SLC35F1: variants seen among roughly 807,000 people sequenced by gnomAD.
The protein encoded by SLC35F1 is chromosome 6 open reading frame 169.
Under a neutral mutation model 48.7 loss-of-function variants are expected in SLC35F1, and 14 were observed. The ratio of observed to expected loss-of-function variants is 0.29; its 90% CI spans 0.19 to 0.45. SLC35F1 has a LOEUF of 0.45. Ranked by LOEUF, SLC35F1 falls within the 20% of genes least tolerant of loss-of-function variation. SLC35F1 has a pLI of 1.00. For synonymous variants in SLC35F1, 190 were observed against 202.2 expected, an observed-to-expected ratio of 0.94 and a Z score of 0.51; for missense variants, 404 against 500.0, an observed-to-expected ratio of 0.81 and a Z score of 1.83.
intron 7 of SLC35F1, among the ~76,000 whole-genome samples, chr6:118,307,711 G>A (rs1279534734): frequency 6.6e-6 from 1 of 152,196 alleles, no homozygotes; most frequent in African/African-American, 2.4e-5. Context: ...GTTTTTCCAT[G>A]GAGCCAGGTT....
At chr6:117,926,374 G>C (rs1776028025) in intron 1 of SLC35F1, among the ~76,000 whole-genome samples, 1 of 152,078 alleles carries the variant, frequency 6.6e-6, no homozygotes, top group Non-Finnish European at 1.5e-5. Context: ...TGTCAATTAA[G>C]CCTCTTTTCT....
At chr6:118,114,580 G>A (rs1305467278) in intron 1 of SLC35F1, among the ~76,000 whole-genome samples, 2 of 151,826 alleles carry the variant, frequency 1.3e-5, no homozygotes, top group Non-Finnish European at 2.9e-5. Flanking sequence ...CTTTCCTCGT[G>A]TTAGCCAGGA....
chr6:118,200,867 CT>C (rs931198309), intron 2 of SLC35F1, among the ~76,000 whole-genome samples: 1 of 151,904 alleles, frequency 6.6e-6, no homozygotes, highest in Non-Finnish European at 1.5e-5. Flanking sequence ...TACTCCTTTT[CT>C]TTTTTTTCTG....
At chr6:118,193,329 T>G (rs1774757144) in intron 2 of SLC35F1, among the ~76,000 whole-genome samples, 1 of 152,214 alleles carries the variant, frequency 6.6e-6, no homozygotes, top group African/African-American at 2.4e-5. Flanking sequence ...GATCAGTGCT[T>G]TAAGAAAACC....
chr6:118,254,758 T>C (rs2114607423), intron 3 of SLC35F1, among the ~76,000 whole-genome samples: 1 of 152,338 alleles, frequency 6.6e-6, no homozygotes, highest in African/African-American at 2.4e-5. Context: ...TTTATTTCCT[T>C]CAATATGTGC....
At chr6:118,262,317 G>A (rs1173575665) in intron 3 of SLC35F1, among the ~76,000 whole-genome samples, 1 of 152,092 alleles carries the variant, frequency 6.6e-6, no homozygotes, top group Non-Finnish European at 1.5e-5. Context: ...GTGTGTGCAG[G>A]AGAGGGCATA....
intron 1 of SLC35F1, among the ~76,000 whole-genome samples, chr6:118,151,826 G>C (rs907103508): frequency 2.0e-5 from 3 of 152,010 alleles, no homozygotes; most frequent in African/African-American, 4.8e-5. Flanking sequence ...CTTTAAAATC[G>C]TTTGAGTTAA....
chr6:118,067,550 A>G (rs1305731047), intron 1 of SLC35F1, among the ~76,000 whole-genome samples: 1 of 152,164 alleles, frequency 6.6e-6, no homozygotes. Context: ...GACAGGTAGG[A>G]GCAATATCTT....
intron 7 of SLC35F1, among the ~76,000 whole-genome samples, chr6:118,305,484 C>T (rs562768623): frequency 6.6e-6 from 1 of 152,162 alleles, no homozygotes; most frequent in Non-Finnish European, 1.5e-5. Flanking sequence ...GCATCAATTT[C>T]ACATGTCTTT....
rs1196539441 is a variant in SLC35F1, at chr6:118,215,338, T to G, written c.350-20171T>G. On this transcript the variant is annotated intron_variant, in intron 2 of 7. Transcript: ENST00000360388. ...CAAAAATATGAGGCAATTTAAAATG[T>G]ATGTGAGAAAAGAGTATTTTTGAAA... Among the ~76,000 whole-genome samples the G allele has an allele frequency of 2.0e-5, 3 of 152,020 alleles. No individual in the cohort carries two copies. The East Asian group carries it at 5.8e-4, about 29-fold the overall frequency.
At chr6:118,149,359 G>C (rs1169088520) in intron 1 of SLC35F1, among the ~76,000 whole-genome samples, 1 of 152,206 alleles carries the variant, frequency 6.6e-6, no homozygotes, top group African/African-American at 2.4e-5. Context: ...GGCAGAGAGA[G>C]CAGGGAGAAC....
chr6:118,196,487 G>A (rs184617336), intron 2 of SLC35F1, among the ~76,000 whole-genome samples: 9 of 152,072 alleles, frequency 5.9e-5, no homozygotes, highest in East Asian at 3.9e-4. Flanking sequence ...AGGCTGAGGC[G>A]GGCAGATCAC....
rs557847666 is a variant in SLC35F1, at chr6:118,009,967, C to T, written c.173+102068C>T. Among the ~76,000 whole-genome samples, 7 of 152,188 alleles carry T rather than the reference C, an allele frequency of 4.6e-5. No homozygotes were observed. In the East Asian group the frequency reaches 5.8e-4, roughly 13 times the overall value. ...AATTTGCATGCCAGGGAAGTAATGA[C>T]TTGGGAATTTATTGACTACGTATTT... On this transcript the variant is annotated intron_variant, in intron 1 of 7. Coordinates refer to ENST00000360388, the MANE Select transcript of SLC35F1 (RefSeq NM_001029858.4).
chr6:118,016,331 A>G (rs1355190410), intron 1 of SLC35F1, among the ~76,000 whole-genome samples: 2 of 152,200 alleles, frequency 1.3e-5, no homozygotes, highest in African/African-American at 4.8e-5. Flanking sequence ...GCTTGGGGCA[A>G]ACGGCATGCC....
intron 7 of SLC35F1, among the ~76,000 whole-genome samples, chr6:118,295,514 G>A (rs1050373577): frequency 1.3e-5 from 2 of 152,150 alleles, no homozygotes; most frequent in African/African-American, 4.8e-5. Flanking sequence ...CATTAGACAT[G>A]AATCAGAATC....
chr6:117,994,016 G>T (rs1057073517), intron 1 of SLC35F1, among the ~76,000 whole-genome samples: 8 of 152,140 alleles, frequency 5.3e-5, no homozygotes, highest in African/African-American at 1.9e-4. Context: ...AGAAATCAAA[G>T]TGTCAGATGG....
At chr6:118,000,633 CGATTAGGAAAA>C (rs1562260620) in intron 1 of SLC35F1, among the ~76,000 whole-genome samples, 1 of 152,076 alleles carries the variant, frequency 6.6e-6, no homozygotes, top group African/African-American at 2.4e-5. Context: ...AAAGGGTATT[CGATTAGGAAAA>C]GAGGAAGTCA....
intron 2 of SLC35F1, among the ~76,000 whole-genome samples, chr6:118,173,693 C>T (rs76376627): frequency 0.021 from 3,221 of 152,202 alleles, 49 homozygotes; most frequent in Middle Eastern, 0.075. Context: ...TAAGATACAC[C>T]AGACTTTCAG....
chr6:118,002,452 G>GACA (rs1777114307), intron 1 of SLC35F1, among the ~76,000 whole-genome samples: 1 of 151,930 alleles, frequency 6.6e-6, no homozygotes, highest in Admixed American at 6.6e-5. Context: ...GGATTGTTGT[G>GACA]GGGTAGGGGG....
Sources: allele counts gnomAD v4.1 joint callset (sites outside exome capture counted in the v4.1 genomes callset), GRCh38; gene constraint gnomAD v4.1.1; transcripts MANE v1.5; gene names NCBI Gene and HGNC (gene_info 2026-07-23, HGNC 2026-07-21).